CLMP: variants seen among roughly 807,000 people sequenced by gnomAD.
CLMP encodes CXADR like cell adhesion molecule, also known as CXADR-like membrane protein.
CLMP carries 27 observed loss-of-function variants against 45.2 expected under a neutral mutation model. That is an observed-to-expected ratio of 0.60 (90% CI 0.44 to 0.82). The LOEUF (loss-of-function observed/expected upper bound fraction) is 0.82. Ranked by LOEUF, CLMP falls within the 40% of genes least tolerant of loss-of-function variation. The pLI is 0.00. For synonymous variants in CLMP, 167 were observed against 171.4 expected (o/e 0.97, Z 0.20); for missense variants, 403 against 448.4 (o/e 0.90, Z 0.91).
chr11:123,145,868 A>G (rs1438497647), intron 1 of CLMP, among the ~76,000 whole-genome samples: 1 of 152,196 alleles, frequency 6.6e-6, no homozygotes. Context: ...GCACTAGGAA[A>G]TTAGCGCCAT....
intron 1 of CLMP, among the ~76,000 whole-genome samples, chr11:123,154,819 T>G (rs1437421033): frequency 6.6e-6 from 1 of 152,228 alleles, no homozygotes; most frequent in Non-Finnish European, 1.5e-5. Flanking sequence ...GATGTTCTGA[T>G]GGGCAGTTAT....
intron 1 of CLMP, among the ~76,000 whole-genome samples, chr11:123,173,803 T>C (rs1220322713): frequency 1.3e-5 from 2 of 152,156 alleles, no homozygotes; most frequent in Non-Finnish European, 2.9e-5. Context: ...AGGCCTGGGC[T>C]GAGTGCTGTG....
chr11:123,156,481 A>G (rs565884547), intron 1 of CLMP, among the ~76,000 whole-genome samples: 1 of 152,230 alleles, frequency 6.6e-6, no homozygotes, highest in Non-Finnish European at 1.5e-5. Context: ...TTCCCGATTC[A>G]TAGAAACTGT....
intron 1 of CLMP, among the ~76,000 whole-genome samples, chr11:123,110,039 G>A (rs1860617096): frequency 6.6e-6 from 1 of 152,176 alleles, no homozygotes; most frequent in Admixed American, 6.5e-5. Context: ...TCATTTAAAA[G>A]GCCACAAAAC....
chr11:123,080,326 C>CT (rs35892566), intron 5 of CLMP, among the ~76,000 whole-genome samples: 34,808 of 136,160 alleles, frequency 0.26, 5,624 homozygotes, highest in Middle Eastern at 0.37. Context: ...TGAAGGTGTA[C>CT]TTTTTTTTTT....
At chr11:123,083,606 G>C (rs1865828800) in intron 4 of CLMP, 74 bp downstream of exon 4, 1 of 1,484,732 alleles carries the variant, frequency 6.7e-7, no homozygotes, top group South Asian at 1.1e-5. Context: ...GTGAGTTGCT[G>C]AGAAAGCTGA....
rs1009786164 is a variant in CLMP at position 123,139,420 on chromosome 11, G to A, written c.29-41468C>T. 3.0e-4 allele frequency among the ~76,000 whole-genome samples: 46 copies of A among 152,168 alleles called. 1 individual carries two copies. The highest frequency in any genetic ancestry group is 1.0e-4 in the Non-Finnish European group (7 of 68,036). On this transcript the variant is annotated intron_variant, in intron 1 of 6. Coordinates refer to ENST00000448775, the MANE Select transcript of CLMP (RefSeq NM_024769.5). ...CTGGTTCTGCTATTTAGAAACCTCT[G>A]TGGCCTTGAGCAATCAATTCTGTCT...
intron 1 of CLMP, among the ~76,000 whole-genome samples, chr11:123,165,272 A>G (rs959766736): frequency 6.6e-6 from 1 of 152,238 alleles, no homozygotes; most frequent in African/African-American, 2.4e-5. Context: ...ACAGCCTGAA[A>G]GTAGGGAGAA....
intron 1 of CLMP, among the ~76,000 whole-genome samples, chr11:123,172,453 T>C (rs894585542): frequency 3.3e-5 from 5 of 151,868 alleles, no homozygotes; most frequent in African/African-American, 1.2e-4. Context: ...TTTGTGCCAG[T>C]GTTTATGTTG....
At chr11:123,121,372 A>C (rs1310119343) in intron 1 of CLMP, among the ~76,000 whole-genome samples, 1 of 152,038 alleles carries the variant, frequency 6.6e-6, no homozygotes, top group African/African-American at 2.4e-5. Flanking sequence ...ATCTCGGGTC[A>C]CTGCAATCTC....
intron 1 of CLMP, among the ~76,000 whole-genome samples, chr11:123,143,804 CT>C (rs1188031593): frequency 6.9e-6 from 1 of 145,550 alleles, no homozygotes; most frequent in Non-Finnish European, 1.5e-5. Context: ...TGACTATAGT[CT>C]TGTGAGATTT....
At chr11:123,165,079 G>A (rs549779805) in intron 1 of CLMP, among the ~76,000 whole-genome samples, 7 of 152,336 alleles carry the variant, frequency 4.6e-5, no homozygotes, top group African/African-American at 1.7e-4. Context: ...CTACGCGTCT[G>A]ATAAAAATAG....
chr11:123,138,309 G>C (rs1861106164), intron 1 of CLMP, among the ~76,000 whole-genome samples: 1 of 151,650 alleles, frequency 6.6e-6, no homozygotes, highest in Non-Finnish European at 1.5e-5. Flanking sequence ...TTCCCATCAA[G>C]CCTCCTCCCC....
chr11:123,092,876 G>A (rs7131609), intron 2 of CLMP, among the ~76,000 whole-genome samples: 10,483 of 150,448 alleles, frequency 0.07, 381 homozygotes, highest in Non-Finnish European at 0.081. Context: ...GAGATTACAG[G>A]TGTGAGCCAC....
chr11:123,153,171 G>A (rs944529710), intron 1 of CLMP, among the ~76,000 whole-genome samples: 4 of 152,198 alleles, frequency 2.6e-5, no homozygotes, highest in South Asian at 4.1e-4. Flanking sequence ...CCGGGTCTGT[G>A]TTGCAGCAAG....
intron 2 of CLMP, among the ~76,000 whole-genome samples, chr11:123,086,235 T>C (rs1865864586): frequency 6.6e-6 from 1 of 152,192 alleles, no homozygotes; most frequent in Admixed American, 6.5e-5. Context: ...GTTCAAGTGA[T>C]TTATAATCAA....
rs10714246 is a variant in CLMP at position 123,141,985 on chromosome 11, CTTTT to C, written c.29-44037_29-44034del. Among the ~76,000 whole-genome samples, 876 of 117,538 alleles carry C rather than the reference CTTTT, an allele frequency of 7.5e-3. 6 individuals are homozygous for C. The highest frequency in any genetic ancestry group is 0.038 in the South Asian group (136 of 3,612). The allele number at this position is 117,538 out of a possible 152,430, so 77.1% of individuals were successfully genotyped here. ...TTGAGCTAACCAAAATCCCCCCAGC[CTTTT>C]TTTTTTTTTTTTTTTGACAGGGTCT... On this transcript the variant is annotated intron_variant, in intron 1 of 6. Transcript: ENST00000448775.
chr11:123,173,453 C>T (rs1045752756), intron 1 of CLMP, among the ~76,000 whole-genome samples: 3 of 152,204 alleles, frequency 2.0e-5, no homozygotes, highest in Non-Finnish European at 4.4e-5. Context: ...TTTATACATG[C>T]CAGATGGAAG....
intron 1 of CLMP, among the ~76,000 whole-genome samples, chr11:123,154,184 T>C (rs1432684192): frequency 6.6e-6 from 1 of 152,294 alleles, no homozygotes; most frequent in Non-Finnish European, 1.5e-5. Flanking sequence ...TGCCAAACCG[T>C]GCCCTCTCTC....
Sources: allele counts gnomAD v4.1 joint callset (sites outside exome capture counted in the v4.1 genomes callset), GRCh38; gene constraint gnomAD v4.1.1; transcripts MANE v1.5; gene names NCBI Gene and HGNC (gene_info 2026-07-23, HGNC 2026-07-21).